ST3GAL3: variants seen among roughly 807,000 people sequenced by gnomAD.
The protein encoded by ST3GAL3 is ST3 beta-galactoside alpha-2,3-sialyltransferase 3, also known as CMP-N-acetylneuraminate-beta-1,4-galactoside alpha-2,3-sialyltransferase.
A neutral mutation model predicts 50.1 loss-of-function variants in ST3GAL3; 21 were observed. The ratio of observed to expected loss-of-function variants is 0.42; its 90% CI spans 0.30 to 0.60. The LOEUF (loss-of-function observed/expected upper bound fraction) is 0.60. ST3GAL3 is among the 20% of genes least tolerant of loss of function. The pLI, the probability that ST3GAL3 is intolerant of heterozygous loss-of-function variation, is 0.19. For missense variants in ST3GAL3, 353 were observed against 489.4 expected (o/e 0.72, Z 2.63); for synonymous variants, 183 against 190.0 (o/e 0.96, Z 0.30).
intron 5 of ST3GAL3, chr1:43,858,047 TG>T: frequency 9.6e-7 from 1 of 1,038,632 alleles, no homozygotes; most frequent in Non-Finnish European, 1.3e-6. Context: ...CGGACTACAG[TG>T]GAAAGAACAG....
rs1220838424 is a variant in ST3GAL3, at chr1:43,903,825, T to C, written c.744+4098T>C. 4.6e-5 allele frequency among the ~76,000 whole-genome samples: 7 copies of C among 152,308 alleles called. No homozygotes were observed. The East Asian group carries it at 1.2e-3, about 25-fold the overall frequency. ...GGGTTTAAGTTTAGACTCTCACTTA[T>C]TAGTGGGCTACCTTAGGCACATCAC... On this transcript the variant is annotated intron_variant, in intron 9 of 11. Transcript: ENST00000347631.
At chr1:43,894,289 A>T (rs1215347537) in intron 5 of ST3GAL3, 94 bp from the exon 6 acceptor site, 12 of 1,241,288 alleles carry the variant, frequency 9.7e-6, no homozygotes, top group Non-Finnish European at 1.4e-5. Context: ...GGGGGCTTCC[A>T]GCAGATCCTT....
chr1:43,873,886 A>C (rs370335749), intron 5 of ST3GAL3, among the ~76,000 whole-genome samples: 36 of 152,270 alleles, frequency 2.4e-4, no homozygotes, highest in African/African-American at 8.4e-4. Flanking sequence ...AGACTATGAA[A>C]ATGGATGAGA....
At chr1:43,802,406 A>G (rs2059419186) in intron 3 of ST3GAL3, among the ~76,000 whole-genome samples, 1 of 152,258 alleles carries the variant, frequency 6.6e-6, no homozygotes, top group Admixed American at 6.5e-5. Flanking sequence ...ATGGATTTCA[A>G]ATCTAATCTC....
rs185964370 is a variant in ST3GAL3, at chr1:43,759,423, G to T, written c.118+23043G>T. On this transcript the variant is annotated intron_variant, in intron 2 of 11. Transcript: ENST00000347631. ...CACGCCACTGCATTCCATCCTGGGT[G>T]ACAGAGCGAGACTCCATCTCAAAAA... Among the ~76,000 whole-genome samples, 608 of 152,040 alleles carry T rather than the reference G, an allele frequency of 4.0e-3. 7 individuals carry two copies. Among genetic ancestry groups the T allele is most frequent in the Non-Finnish European group, 6.1e-3 (417 of 67,956 alleles).
chr1:43,802,727 CTG>C (rs2059448075), intron 3 of ST3GAL3, among the ~76,000 whole-genome samples: 1 of 152,180 alleles, frequency 6.6e-6, no homozygotes, highest in Non-Finnish European at 1.5e-5. Context: ...AATTGACAGA[CTG>C]TGGTTTTTTC....
At chr1:43,923,433 C>A (rs2083398896) in intron 11 of ST3GAL3, among the ~76,000 whole-genome samples, 1 of 152,134 alleles carries the variant, frequency 6.6e-6, no homozygotes, top group Admixed American at 6.6e-5. Context: ...TAACAGAATG[C>A]CATAGTCTGG....
chr1:43,914,896 C>T (rs2081526516), intron 9 of ST3GAL3, among the ~76,000 whole-genome samples: 2 of 152,242 alleles, frequency 1.3e-5, no homozygotes, highest in Non-Finnish European at 2.9e-5. Flanking sequence ...AGGGGCTTCC[C>T]CTCAGCTATG....
At chr1:43,715,538 T>C (rs1000842180) in intron 1 of ST3GAL3, among the ~76,000 whole-genome samples, 1 of 150,470 alleles carries the variant, frequency 6.6e-6, no homozygotes, top group Non-Finnish European at 1.5e-5. Context: ...ATCATGCCAC[T>C]ACACTCCAGC....
chr1:43,920,364 C>T (rs202131340), intron 9 of ST3GAL3, 40 bp from the exon 10 acceptor site: 5 of 1,613,882 alleles, frequency 3.1e-6, no homozygotes, highest in Non-Finnish European at 4.2e-6. Context: ...TCATCCCTTG[C>T]TGTGTGCCTC....
chr1:43,750,638 C>T (rs1013404208), intron 2 of ST3GAL3, among the ~76,000 whole-genome samples: 7 of 152,014 alleles, frequency 4.6e-5, no homozygotes, highest in African/African-American at 1.7e-4. Context: ...GCCTGTAATC[C>T]CAGTACATTC....
At chr1:43,811,005 G>A (rs1306900746) in intron 3 of ST3GAL3, among the ~76,000 whole-genome samples, 1 of 152,130 alleles carries the variant, frequency 6.6e-6, no homozygotes, top group East Asian at 1.9e-4. Flanking sequence ...CCCTGAGTTA[G>A]TGCAACCAGT....
intron 11 of ST3GAL3, among the ~76,000 whole-genome samples, chr1:43,929,780 G>A (rs2084734685): frequency 6.6e-6 from 1 of 152,164 alleles, no homozygotes; most frequent in Admixed American, 6.5e-5. Context: ...CTGCCCGCAG[G>A]GTGTCTATAA....
intron 1 of ST3GAL3, among the ~76,000 whole-genome samples, chr1:43,734,303 TTTTTG>T (rs1404827904): frequency 2.5e-5 from 3 of 119,370 alleles, no homozygotes; most frequent in East Asian, 2.5e-4. Flanking sequence ...TCTTCTTTTT[TTTTTG>T]TTTTTTTTTT....
At chr1:43,773,219 C>T (rs1242381829) in intron 2 of ST3GAL3, among the ~76,000 whole-genome samples, 2 of 152,164 alleles carry the variant, frequency 1.3e-5, no homozygotes, top group Non-Finnish European at 2.9e-5. Flanking sequence ...GAGCCACATC[C>T]ACCTCACTCC....
intron 1 of ST3GAL3, among the ~76,000 whole-genome samples, chr1:43,717,898 G>C (rs558300244): frequency 4.3e-4 from 65 of 151,390 alleles, no homozygotes; most frequent in African/African-American, 1.6e-3. Context: ...ATGAGACGGA[G>C]TTTCACTCTT....
At chr1:43,740,902 G>C (rs1331915857) in intron 2 of ST3GAL3, among the ~76,000 whole-genome samples, 1 of 150,538 alleles carries the variant, frequency 6.6e-6, no homozygotes, top group Admixed American at 6.6e-5. Context: ...GAAAGGGAGC[G>C]AGGAAGGGAG....
intron 2 of ST3GAL3, among the ~76,000 whole-genome samples, chr1:43,778,841 G>T (rs1396395482): frequency 2.6e-5 from 4 of 151,720 alleles, no homozygotes; most frequent in Non-Finnish European, 2.9e-5. Flanking sequence ...TAGAGGCAGG[G>T]TTTCACCATG....
At chr1:43,747,338 G>A (rs1380028364) in intron 2 of ST3GAL3, among the ~76,000 whole-genome samples, 1 of 151,874 alleles carries the variant, frequency 6.6e-6, no homozygotes, top group Non-Finnish European at 1.5e-5. Flanking sequence ...CTTGAACCCA[G>A]GAGGCGGATA....
Sources: gnomAD v4.1 joint callset for allele counts (sites outside exome capture counted in the v4.1 genomes callset) on GRCh38, gnomAD v4.1.1 for gene constraint, MANE v1.5 for transcripts, NCBI Gene and HGNC (gene_info 2026-07-23, HGNC 2026-07-21) for gene names.